The following NPR3 variants were observed in gnomAD, a reference collection of about 807,000 sequenced individuals.
NPR3 encodes the protein natriuretic peptide receptor 3.
In NPR3, 34 loss-of-function variants were observed where a neutral mutation model predicts 54.5. The ratio of observed to expected loss-of-function variants is 0.62; its 90% CI spans 0.47 to 0.83. The LOEUF is 0.83. Among genes scored for constraint, NPR3 ranks in the 40% least tolerant of loss-of-function variants. The pLI is 0.00. For missense variants in NPR3, 674 were observed against 720.8 expected, an observed-to-expected ratio of 0.94 and a Z score of 0.74; for synonymous variants, 289 against 297.1, an observed-to-expected ratio of 0.97 and a Z score of 0.28.
In NPR3 at chr5:32,712,558, G is replaced by A. The variant is rs1354743266; in HGVS notation, c.769+13G>A. The A allele has an allele frequency of 4.0e-6, 6 of 1,503,924 alleles. No individual in the cohort carries two copies. Among genetic ancestry groups the A allele is most frequent in the Admixed American group, 4.3e-5 (2 of 46,824 alleles). 93.2% of individuals were successfully genotyped at this position (1,503,924 alleles called of 1,614,324 possible). Reference sequence around the variant, plus strand: ...GCCAGTGAGAGAGGTGAGCAGGGGCGCGTCCCGGGCCCCGGGCCCTAACCC... The same window carrying A: ...GCCAGTGAGAGAGGTGAGCAGGGGCACGTCCCGGGCCCCGGGCCCTAACCC... On this transcript the variant is annotated intron_variant, in intron 1 of 7. Transcript: ENST00000265074.
rs762948193 is a variant in NPR3 at position 32,789,705 on chromosome 5, G to A, written c.*3360G>A. ...ATGCATCACTTTCCTTTTAGTTATG[G>A]CTGATTTTGGGTGTGTGTGTGTAAG... On this transcript the variant is annotated 3_prime_UTR_variant, in exon 8 of 8. Transcript: ENST00000265074. 3.0e-5 allele frequency: 16 copies of A among 534,474 alleles called. No individual in the cohort carries two copies. The highest frequency in any genetic ancestry group is 2.7e-4 in the Admixed American group (14 of 51,556). 33.1% of individuals were successfully genotyped at this position (534,474 alleles called of 1,614,324 possible).
chr5:32,707,591 G>A (rs951425667), upstream of NPR3, among the ~76,000 whole-genome samples: 1 of 152,140 alleles, frequency 6.6e-6, no homozygotes, highest in Non-Finnish European at 1.5e-5. Flanking sequence ...CTAGGGGGGA[G>A]TGTGTTTTCA....
chr5:32,734,185 C>T (rs1434442050), intron 2 of NPR3, among the ~76,000 whole-genome samples: 3 of 151,986 alleles, frequency 2.0e-5, no homozygotes, highest in South Asian at 2.1e-4. Flanking sequence ...GACAGTGGGT[C>T]GTTTGGAGAG....
intron 1 of NPR3, among the ~76,000 whole-genome samples, chr5:32,721,453 G>A (rs947049938): frequency 2.0e-5 from 3 of 152,186 alleles, no homozygotes; most frequent in Non-Finnish European, 2.9e-5. Context: ...ACTTAGCCTG[G>A]CCAACATGAC....
chr5:32,764,788 CAAAAAAAAAAAA>C (rs568944478), intron 3 of NPR3, among the ~76,000 whole-genome samples: 1 of 36,494 alleles, frequency 2.7e-5, no homozygotes, highest in Non-Finnish European at 5.1e-5. Flanking sequence ...GGGTCCATCT[CAAAAAAAAAAAA>C]AAAAAAAAAA....
intron 2 of NPR3, among the ~76,000 whole-genome samples, chr5:32,728,747 CAATT>C (rs1739260577): frequency 6.8e-6 from 1 of 146,192 alleles, no homozygotes; most frequent in Non-Finnish European, 1.5e-5. Flanking sequence ...AGTTGAAAAT[CAATT>C]ATTTGAAATT....
chr5:32,705,400 A>G (rs1290401816), upstream of NPR3, among the ~76,000 whole-genome samples: 1 of 152,212 alleles, frequency 6.6e-6, no homozygotes, highest in African/African-American at 2.4e-5. Flanking sequence ...ATTTATAAAG[A>G]AAAGAGGTTT....
intron 1 of NPR3, among the ~76,000 whole-genome samples, chr5:32,714,872 C>T (rs1360688974): frequency 2.0e-5 from 3 of 152,146 alleles, no homozygotes. Context: ...GCTCAGTCAC[C>T]GGCTGGGGGA....
intron 3 of NPR3, among the ~76,000 whole-genome samples, chr5:32,768,080 TCTC>T (rs1188863431): frequency 6.6e-6 from 1 of 152,114 alleles, no homozygotes; most frequent in Non-Finnish European, 1.5e-5. Flanking sequence ...TTCCCGCCCT[TCTC>T]CTGTTGGGTT....
chr5:32,714,083 G>C (rs920663773), intron 1 of NPR3, among the ~76,000 whole-genome samples: 2 of 152,304 alleles, frequency 1.3e-5, no homozygotes, highest in Admixed American at 1.3e-4. Flanking sequence ...TGCGCCCCGG[G>C]CTGCTAAGGC....
intron 3 of NPR3, among the ~76,000 whole-genome samples, chr5:32,753,201 T>C (rs893670121): frequency 6.6e-6 from 1 of 152,232 alleles, no homozygotes; most frequent in African/African-American, 2.4e-5. Flanking sequence ...TGTGTGGTAA[T>C]GTAATTAATT....
intron 3 of NPR3, among the ~76,000 whole-genome samples, chr5:32,761,958 A>G (rs1020233449): frequency 2.0e-5 from 3 of 151,952 alleles, no homozygotes. Context: ...CAATCCCCCA[A>G]CAGGCCCCGG....
rs1561141445 is a variant in NPR3 at position 32,789,673 on chromosome 5, G to A, written c.*3328G>A. On this transcript the variant is annotated 3_prime_UTR_variant, in exon 8 of 8. Transcript: ENST00000265074. The stretch of plus-strand genomic sequence containing the variant: ...TACTCAAGGCACATGTGCCTTCTTT[G>A]CCCCAAATGCATCACTTTCCTTTTA... The A allele has an allele frequency of 3.7e-6, 2 of 534,674 alleles. No individual in the cohort carries two copies. Among genetic ancestry groups the A allele is most frequent in the East Asian group, 1.1e-4 (2 of 18,348 alleles). The allele number at this position is 534,674 out of a possible 1,614,324, so 33.1% of individuals were successfully genotyped here.
chr5:32,751,752 AGG>A (rs1209311295), intron 3 of NPR3, among the ~76,000 whole-genome samples: 9 of 152,220 alleles, frequency 5.9e-5, no homozygotes, highest in African/African-American at 2.2e-4. Flanking sequence ...GTTGAGGAGC[AGG>A]TGGTTTATCT....
intron 1 of NPR3, among the ~76,000 whole-genome samples, chr5:32,699,986 T>A (rs560491518): frequency 6.6e-6 from 1 of 152,222 alleles, no homozygotes; most frequent in African/African-American, 2.4e-5. Context: ...AGTTTAAAAG[T>A]TTTTTCCTTC....
intron 1 of NPR3, among the ~76,000 whole-genome samples, chr5:32,718,215 T>G (rs923009498): frequency 6.6e-6 from 1 of 152,180 alleles, no homozygotes; most frequent in African/African-American, 2.4e-5. Context: ...GTTTTGGTAC[T>G]GGTGCCATGC....
chr5:32,752,784 T>C, intron 3 of NPR3, among the ~76,000 whole-genome samples: 1 of 152,238 alleles, frequency 6.6e-6, no homozygotes, highest in East Asian at 1.9e-4. Context: ...GAATGGCTGA[T>C]TAAAAGCCAT....
chr5:32,728,289 C>A (rs1272501793), intron 2 of NPR3, among the ~76,000 whole-genome samples: 1 of 151,934 alleles, frequency 6.6e-6, no homozygotes, highest in Non-Finnish European at 1.5e-5. Flanking sequence ...ATGGTGAAAC[C>A]CCGTCTCTAC....
chr5:32,719,483 C>A (rs1272375209), intron 1 of NPR3, among the ~76,000 whole-genome samples: 1 of 152,112 alleles, frequency 6.6e-6, no homozygotes, highest in Non-Finnish European at 1.5e-5. Flanking sequence ...TTACTGTCTT[C>A]TAAATTCTAA....
Sources: gnomAD v4.1 joint callset for allele counts (sites outside exome capture counted in the v4.1 genomes callset) on GRCh38, gnomAD v4.1.1 for gene constraint, MANE v1.5 for transcripts, NCBI Gene and HGNC (gene_info 2026-07-23, HGNC 2026-07-21) for gene names.